LDB2: variants seen among roughly 807,000 people sequenced by gnomAD.
LDB2 encodes LIM domain-binding protein 2.
Under a neutral mutation model 44.3 loss-of-function variants are expected in LDB2, and 12 were observed. That is an observed-to-expected ratio of 0.27 (90% CI 0.17 to 0.44). The LOEUF (loss-of-function observed/expected upper bound fraction) is 0.44. LDB2 is among the 20% of genes least tolerant of loss of function. LDB2 has a pLI of 1.00. For synonymous variants in LDB2, 164 were observed against 174.8 expected, an observed-to-expected ratio of 0.94 and a Z score of 0.49; for missense variants, 344 against 473.5, an observed-to-expected ratio of 0.73 and a Z score of 2.54.
intron 1 of LDB2, among the ~76,000 whole-genome samples, chr4:16,857,776 G>A (rs1354582136): frequency 6.6e-6 from 1 of 152,154 alleles, no homozygotes; most frequent in Non-Finnish European, 1.5e-5. Flanking sequence ...GGCTTTCTCT[G>A]ACTACCCTGT....
At chr4:16,735,912 G>T (rs568183712) in intron 2 of LDB2, among the ~76,000 whole-genome samples, 2 of 152,260 alleles carry the variant, frequency 1.3e-5, no homozygotes, top group South Asian at 4.1e-4. Flanking sequence ...GTGGTACCCT[G>T]GATGGAAAAA....
intron 5 of LDB2, among the ~76,000 whole-genome samples, chr4:16,517,823 C>G (rs192554041): frequency 6.6e-6 from 1 of 152,070 alleles, no homozygotes; most frequent in South Asian, 2.1e-4. Flanking sequence ...ATTCTGGCCC[C>G]AACACTGACC....
intron 5 of LDB2, among the ~76,000 whole-genome samples, chr4:16,554,885 A>C (rs1034411634): frequency 6.6e-6 from 1 of 152,182 alleles, no homozygotes. Flanking sequence ...AGAATGTACA[A>C]CACCAAGAGT....
intron 2 of LDB2, among the ~76,000 whole-genome samples, chr4:16,726,987 T>G (rs773590249): frequency 6.6e-6 from 1 of 152,322 alleles, no homozygotes; most frequent in South Asian, 2.1e-4. Flanking sequence ...CACATTAACA[T>G]GGGTCGGTTT....
rs371660379 is a variant in LDB2, at chr4:16,759,194, G to C, written c.199C>G (p.Leu67Val). The change falls in exon 2 of 8, where the codon CTT becomes GTT. Residue 67 changes from leucine (L) to valine (V), a missense_variant. Leu to Val is a conservative substitution (Grantham distance 32). This residue lies in a region of LDB2 where 226 missense variants were observed against 270.1 expected (regional missense o/e 0.84). Transcript: ENST00000304523. ...EFFEDDATLT[L>V]SFCLEDGPKR... ...GGTCCATCTTCCAAACAAAATGAAAGGGTTAATGTGGCGTCATCTTCAAAA... is the reference window on the plus strand; with the variant it reads ...GGTCCATCTTCCAAACAAAATGAAACGGTTAATGTGGCGTCATCTTCAAAA... The C allele has an allele frequency of 5.6e-6, 9 of 1,613,858 alleles. No homozygotes were observed. In the African/African-American group the frequency reaches 9.3e-5, roughly 17 times the overall value.
intron 5 of LDB2, among the ~76,000 whole-genome samples, chr4:16,577,335 C>T (rs1470521483): frequency 6.6e-6 from 1 of 152,110 alleles, no homozygotes; most frequent in Admixed American, 6.5e-5. Flanking sequence ...AACTTAAAGA[C>T]TCCACCAAAA....
At chr4:16,813,856 G>T (rs541399287) in intron 1 of LDB2, among the ~76,000 whole-genome samples, 96 of 151,656 alleles carry the variant, frequency 6.3e-4, no homozygotes, top group Non-Finnish European at 1.3e-3. Flanking sequence ...CAGGGATACT[G>T]ATTTTCTTTT....
At chr4:16,715,118 G>A (rs1243370209) in intron 2 of LDB2, among the ~76,000 whole-genome samples, 1 of 152,102 alleles carries the variant, frequency 6.6e-6, no homozygotes, top group Non-Finnish European at 1.5e-5. Context: ...ACAACAGCCC[G>A]ATGTGATAGA....
At chr4:16,609,965 T>G (rs570940326) in intron 2 of LDB2, among the ~76,000 whole-genome samples, 3 of 152,156 alleles carry the variant, frequency 2.0e-5, no homozygotes, top group African/African-American at 7.2e-5. Context: ...CAGGTTGGTG[T>G]CCCTTCGGGT....
At chr4:16,594,951 G>T (rs771658806) in intron 3 of LDB2, among the ~76,000 whole-genome samples, 4 of 152,160 alleles carry the variant, frequency 2.6e-5, no homozygotes, top group Non-Finnish European at 4.4e-5. Context: ...ACCTGCAAAA[G>T]GACATAAAGA....
At chr4:16,839,190 C>G (rs1785419067) in intron 1 of LDB2, among the ~76,000 whole-genome samples, 2 of 110,742 alleles carry the variant, frequency 1.8e-5, no homozygotes, top group African/African-American at 6.6e-5. Flanking sequence ...ATACCTGAGA[C>G]TGAGTTATTT....
chr4:16,713,231 G>A (rs1317672315), intron 2 of LDB2, among the ~76,000 whole-genome samples: 1 of 152,220 alleles, frequency 6.6e-6, no homozygotes, highest in Non-Finnish European at 1.5e-5. Flanking sequence ...TCTTACTGGA[G>A]TGATGGAAGT....
At chr4:16,801,762 T>C (rs1472228622) in intron 1 of LDB2, among the ~76,000 whole-genome samples, 12 of 152,196 alleles carry the variant, frequency 7.9e-5, no homozygotes, top group Non-Finnish European at 1.3e-4. Flanking sequence ...AGACAATCTT[T>C]ATTTAAAAGG....
intron 5 of LDB2, among the ~76,000 whole-genome samples, chr4:16,578,796 T>C (rs1712972356): frequency 6.6e-6 from 1 of 152,204 alleles, no homozygotes. Flanking sequence ...TGGAGCAACT[T>C]AACTGTCAAC....
At chr4:16,609,214 T>G (rs1014241635) in intron 2 of LDB2, among the ~76,000 whole-genome samples, 6 of 152,088 alleles carry the variant, frequency 3.9e-5, no homozygotes, top group African/African-American at 1.2e-4. Context: ...AAGGAAACTG[T>G]GCAACCTACA....
At chr4:16,821,866 T>C (rs1340768197) in intron 1 of LDB2, among the ~76,000 whole-genome samples, 1 of 151,398 alleles carries the variant, frequency 6.6e-6, no homozygotes, top group Non-Finnish European at 1.5e-5. Flanking sequence ...GATTAAATAA[T>C]GAACGTGAGA....
chr4:16,719,873 T>C (rs1757874159), intron 2 of LDB2, among the ~76,000 whole-genome samples: 1 of 152,152 alleles, frequency 6.6e-6, no homozygotes, highest in Non-Finnish European at 1.5e-5. Context: ...CTAGATATTA[T>C]TATTCTGCTC....
intron 1 of LDB2, among the ~76,000 whole-genome samples, chr4:16,847,575 T>C (rs1787280576): frequency 6.6e-6 from 1 of 152,030 alleles, no homozygotes; most frequent in Non-Finnish European, 1.5e-5. Flanking sequence ...TGGCAATCAT[T>C]GGTAAAGGTT....
At chr4:16,546,562 G>A (rs1168140208) in intron 5 of LDB2, among the ~76,000 whole-genome samples, 2 of 152,150 alleles carry the variant, frequency 1.3e-5, no homozygotes, top group African/African-American at 4.8e-5. Context: ...GGCTGCTATT[G>A]TGCATACTGC....
Sources: allele counts gnomAD v4.1 joint callset (sites outside exome capture counted in the v4.1 genomes callset), GRCh38; gene constraint gnomAD v4.1.1; regional missense constraint gnomAD v4.1.1; transcripts MANE v1.5; gene names NCBI Gene and HGNC (gene_info 2026-07-23, HGNC 2026-07-21).